Variants in RAB11FIP1 observed in about 807,000 individuals in gnomAD.
RAB11FIP1 encodes RAB11 family interacting protein 1, also known as rab11 family-interacting protein 1.
RAB11FIP1 carries 49 observed loss-of-function variants against 83.1 expected under a neutral mutation model. The ratio of observed to expected loss-of-function variants is 0.59; its 90% CI spans 0.47 to 0.75. RAB11FIP1 has a LOEUF of 0.75. Among genes scored for constraint, RAB11FIP1 ranks in the 30% least tolerant of loss-of-function variants. The probability of loss-of-function intolerance (pLI) is 0.00; values close to 1 mark genes in which losing one functional copy is unlikely to be tolerated. For missense variants in RAB11FIP1, 1,536 were observed against 1,598.7 expected (o/e 0.96, Z 0.67); for synonymous variants, 670 against 656.0 (o/e 1.02, Z -0.33).
In RAB11FIP1 at chr8:37,872,454, G is replaced by C. The variant is rs751697921; in HGVS notation, c.2348C>G (p.Ser783Cys). 3 of 1,614,130 alleles carry C rather than the reference G, an allele frequency of 1.9e-6. No homozygotes were observed. In the South Asian group the frequency reaches 3.3e-5, roughly 18 times the overall value. Residue 783 changes from serine to cysteine, a missense_variant, in exon 4 of 6, where the codon TCC (serine) becomes TGC (cysteine). Physicochemically the swap from Ser to Cys is moderately radical, Grantham distance 112. Transcript: ENST00000330843. ...PPLPMGASVP[S>C]IDSMMRKLEE... The stretch of plus-strand genomic sequence containing the variant: ...CAGCTTCCGCATCATGGAATCAATG[G>C]AAGGGACTGATGCTCCCATGGGAAG...
At chr8:37,893,162 C>T (rs1377907235) in intron 1 of RAB11FIP1, among the ~76,000 whole-genome samples, 1 of 151,014 alleles carries the variant, frequency 6.6e-6, no homozygotes, top group African/African-American at 2.4e-5. Context: ...GCAATCTCTG[C>T]CTCCTGGGTT....
intron 3 of RAB11FIP1, 162 bp from the exon 4 acceptor site, chr8:37,873,341 A>C: frequency 4.1e-6 from 3 of 734,116 alleles, no homozygotes; most frequent in Non-Finnish European, 6.4e-6. Context: ...GCGGTGGCTC[A>C]CGCCTGTAAT....
In RAB11FIP1 at chr8:37,871,344, A is replaced by G. The variant is rs1334175490; in HGVS notation, c.3458T>C (p.Val1153Ala). The change falls in exon 4 of 6, where the codon GTC (valine) becomes GCC (alanine). Residue 1153 changes from valine (V) to alanine (A), a missense_variant. Coordinates refer to ENST00000330843, the MANE Select transcript of RAB11FIP1 (RefSeq NM_001002814.3). ...GKRKPLLQAW[V>A]SPSETHPVSA... ...GACTGGATGTGTCTCCGAGGGTGAG[A>G]CCCAGGCCTGGAGGAGTGGCTTCCT... 5 of 1,614,040 alleles carry G rather than the reference A, an allele frequency of 3.1e-6. No individual in the cohort carries two copies. Among genetic ancestry groups the G allele is most frequent in the Non-Finnish European group, 4.2e-6 (5 of 1,179,998 alleles).
At chr8:37,865,504 G>A (rs57882564) in intron 5 of RAB11FIP1, among the ~76,000 whole-genome samples, 13 of 151,990 alleles carry the variant, frequency 8.6e-5, no homozygotes, top group Admixed American at 2.6e-4. Flanking sequence ...ATTTTTAGTA[G>A]AGACAGGGTT....
intron 5 of RAB11FIP1, among the ~76,000 whole-genome samples, chr8:37,868,563 G>A (rs913214929): frequency 2.0e-5 from 3 of 152,194 alleles, no homozygotes; most frequent in Non-Finnish European, 4.4e-5. Flanking sequence ...CCCAGTGTCA[G>A]TTGGGAAGTC....
intron 5 of RAB11FIP1, 101 bp downstream of exon 5, chr8:37,870,319 C>G: frequency 1.6e-6 from 1 of 639,710 alleles, no homozygotes; most frequent in Non-Finnish European, 2.8e-6. Context: ...CTAAGTGTTC[C>G]TGGCACCACC....
At position 37,899,202 on chromosome 8, in the gene RAB11FIP1, G is replaced by C; in HGVS notation, c.240C>G (p.Ser80=). The change falls in exon 1 of 6, where the codon TCC becomes TCG. Residue 80 remains serine (S), a synonymous_variant. Coordinates refer to ENST00000330843, the MANE Select transcript of RAB11FIP1 (RefSeq NM_001002814.3). This position sits in a 1 kb window ranked among gnomAD's most constrained non-coding sequence, Gnocchi z 4.5. ...GCAGGGTGGCGGCGGCCGCGGGTCC[G>C]GAGGACAGCAGCGATGGCAGCTCGA... is the stretch of plus-strand genomic sequence containing the variant. The part of the protein sequence containing the change: ...ATFELPSLLS[S]GPAAAATLQL... 1.9e-6 allele frequency: 3 copies of C among 1,572,656 alleles called. No homozygotes were observed. The South Asian group carries it at 3.4e-5, about 18-fold the overall frequency.
At position 37,872,744 on chromosome 8, in the gene RAB11FIP1, G is replaced by A; in HGVS notation, c.2058C>T (p.Ser686=). 1 of 1,614,194 alleles carries A rather than the reference G, an allele frequency of 6.2e-7. No individual in the cohort carries two copies. Among genetic ancestry groups the A allele is most frequent in the East Asian group, 2.2e-5 (1 of 44,884 alleles). ...CTGGGAGAGACTCCTCCAACTCAAG[G>A]CTGCTGGTGTTCTTCTCTGTGCCTG... ...RETGTEKNTS[S]LELEESLPEQ... is the part of the protein sequence containing the mutation. Residue 686 remains serine (S), a synonymous_variant, in exon 4 of 6, where the codon AGC becomes AGT. Coordinates refer to ENST00000330843, the MANE Select transcript of RAB11FIP1 (RefSeq NM_001002814.3).
chr8:37,858,694 T>C lies in RAB11FIP1; in HGVS notation c.*4201A>G, dbSNP rs1424040907. ...AAGGGGGCAGCACGTTCCAACTCAGTTTCTCTGGCCAGTGCCATGGTCCCT... is the reference window on the plus strand; with the variant it reads ...AAGGGGGCAGCACGTTCCAACTCAGCTTCTCTGGCCAGTGCCATGGTCCCT... On this transcript the variant is annotated 3_prime_UTR_variant, in exon 6 of 6. Coordinates refer to ENST00000330843, the MANE Select transcript of RAB11FIP1 (RefSeq NM_001002814.3). The C allele has an allele frequency of 1.3e-5, 2 of 152,242 alleles. No homozygotes were observed. 9.4% of individuals were successfully genotyped at this position (152,242 alleles called of 1,614,324 possible).
In RAB11FIP1 at chr8:37,872,861, A is replaced by G. The variant is rs761981216; in HGVS notation, c.1941T>C (p.Ser647=). The G allele has an allele frequency of 3.0e-5, 49 of 1,614,230 alleles. 1 individual carries two copies. In the South Asian group the frequency reaches 4.1e-4, roughly 13 times the overall value. Residue 647 remains serine, a synonymous_variant, in exon 4 of 6, where the codon TCT becomes TCC. Transcript: ENST00000330843. ...AAAGTGATCCCAGGGCAGAAGAACC[A>G]GAATTTGGAACCGGTGTTAAACTCT... is the stretch of plus-strand genomic sequence containing the variant. ...QTESLTPVPN[S]GSSALGSLFK... is the part of the protein sequence containing the mutation.
In RAB11FIP1 at chr8:37,861,096, A is replaced by G. The variant is rs1743837967; in HGVS notation, c.*1799T>C. ...GGGAAAAAAATGAGAAATACCAGAA[A>G]CATTCTAATTCCAGTCTTAAGTGAG... is the stretch of plus-strand genomic sequence containing the variant. On this transcript the variant is annotated 3_prime_UTR_variant, in exon 6 of 6. Coordinates refer to ENST00000330843, the MANE Select transcript of RAB11FIP1 (RefSeq NM_001002814.3). The G allele has an allele frequency of 6.5e-6, 1 of 153,148 alleles. No individual in the cohort carries two copies. Among genetic ancestry groups the G allele is most frequent in the Non-Finnish European group, 1.5e-5 (1 of 68,738 alleles). The allele number at this position is 153,148 out of a possible 1,614,324, so 9.5% of individuals were successfully genotyped here.
In RAB11FIP1 at chr8:37,858,989, T is replaced by C. The variant is rs887768335; in HGVS notation, c.*3906A>G. ...CCATTTTATTTAGTGTTGTAGGAAA[T>C]GTTGGGTTACTTCTTAAAAACGAAA... On this transcript the variant is annotated 3_prime_UTR_variant, in exon 6 of 6. Coordinates refer to ENST00000330843, the MANE Select transcript of RAB11FIP1 (RefSeq NM_001002814.3). The C allele has an allele frequency of 6.6e-5, 10 of 151,606 alleles. No homozygotes were observed. Among genetic ancestry groups the C allele is most frequent in the African/African-American group, 2.4e-4 (10 of 41,224 alleles). The allele number at this position is 151,606 out of a possible 1,614,324, so 9.4% of individuals were successfully genotyped here. A position where few individuals can be genotyped will look rare whatever the true frequency, so the allele number is the denominator to read the frequency against.
chr8:37,868,033 C>CCCAG (rs1467911207), intron 5 of RAB11FIP1, among the ~76,000 whole-genome samples: 1 of 152,118 alleles, frequency 6.6e-6, no homozygotes, highest in Admixed American at 6.6e-5. Flanking sequence ...ATCACTTGAG[C>CCCAG]CCAGGAGTTC....
intron 1 of RAB11FIP1, among the ~76,000 whole-genome samples, chr8:37,886,163 G>A (rs555691050): frequency 4.6e-5 from 7 of 152,306 alleles, no homozygotes; most frequent in Middle Eastern, 6.8e-3. Flanking sequence ...CAGAGAATGA[G>A]GAGGACTAAA....
chr8:37,879,620 C>T (rs80035168), intron 1 of RAB11FIP1, among the ~76,000 whole-genome samples: 2 of 152,184 alleles, frequency 1.3e-5, no homozygotes, highest in African/African-American at 2.4e-5. Context: ...CAGTGGCTCA[C>T]GCCCGTAATC....
intron 5 of RAB11FIP1, among the ~76,000 whole-genome samples, chr8:37,864,946 T>C (rs867839917): frequency 0.01 from 1,221 of 117,448 alleles, 18 homozygotes; most frequent in African/African-American, 0.037. Context: ...TTTTTTTTTT[T>C]TCCCCATAGA....
At chr8:37,896,538 A>G (rs1807094855) in intron 1 of RAB11FIP1, among the ~76,000 whole-genome samples, 1 of 152,176 alleles carries the variant, frequency 6.6e-6, no homozygotes, top group African/African-American at 2.4e-5. Flanking sequence ...GGAAGTCAAT[A>G]CTGTGACTAG....
intron 1 of RAB11FIP1, among the ~76,000 whole-genome samples, chr8:37,898,820 T>TAACAA (rs1554533676): frequency 3.6e-5 from 3 of 84,248 alleles, no homozygotes; most frequent in African/African-American, 1.3e-4. Context: ...AGACTCTGTC[T>TAACAA]AAAAAAAAAA....
chr8:37,883,195 GT>G (rs1806761492), intron 1 of RAB11FIP1, among the ~76,000 whole-genome samples: 1 of 146,728 alleles, frequency 6.8e-6, no homozygotes, highest in Non-Finnish European at 1.5e-5. Context: ...CTTGGTGTTT[GT>G]TTGTTTGTCT....
Sources: gnomAD v4.1 joint callset for allele counts (sites outside exome capture counted in the v4.1 genomes callset) on GRCh38, gnomAD v4.1.1 for gene constraint, Gnocchi (gnomAD v3.1) non-coding constraint, MANE v1.5 for transcripts, NCBI Gene and HGNC (gene_info 2026-07-23, HGNC 2026-07-21) for gene names.